Variants in CDC5L observed in about 807,000 individuals in gnomAD.
The protein encoded by CDC5L is cell division cycle 5-like protein.
A neutral mutation model predicts 104.1 loss-of-function variants in CDC5L; 18 were observed. The observed-to-expected ratio is 0.17, with a 90% CI of 0.12 to 0.26. The LOEUF (loss-of-function observed/expected upper bound fraction) is 0.26. Among genes scored for constraint, CDC5L ranks in the 10% least tolerant of loss-of-function variants. The probability of loss-of-function intolerance (pLI) is 1.00; values close to 1 mark genes in which losing one functional copy is unlikely to be tolerated. For missense variants in CDC5L, 673 were observed against 956.9 expected (o/e 0.70, Z 3.91); for synonymous variants, 331 against 322.7 (o/e 1.03, Z -0.28).
rs376080652 is a variant in CDC5L, at chr6:44,396,454, T to C, written c.539+14T>C. 66 of 1,533,292 alleles carry C rather than the reference T, an allele frequency of 4.3e-5. No individual in the cohort carries two copies. Among genetic ancestry groups the C allele is most frequent in the Non-Finnish European group, 5.2e-5 (58 of 1,116,330 alleles). The allele number at this position is 1,533,292 out of a possible 1,614,324, so 95.0% of individuals were successfully genotyped here. A position where few individuals can be genotyped will look rare whatever the true frequency, so the allele number is the denominator to read the frequency against. Reference sequence around the variant, plus strand: ...GGAAGAAGCAAGGTATGTGTGGATATAGGAATAAAAAGCAAAGTGTTTTTC... The same window carrying C: ...GGAAGAAGCAAGGTATGTGTGGATACAGGAATAAAAAGCAAAGTGTTTTTC... On this transcript the variant is annotated intron_variant, in intron 5 of 15. Coordinates refer to ENST00000371477, the MANE Select transcript of CDC5L (RefSeq NM_001253.4).
At chr6:44,431,259 G>A (rs1029231660) in intron 14 of CDC5L, among the ~76,000 whole-genome samples, 2 of 152,114 alleles carry the variant, frequency 1.3e-5, no homozygotes, top group Non-Finnish European at 2.9e-5. Context: ...CTCATCTTGG[G>A]TAAAATCTTA....
chr6:44,396,769 T>G (rs925597680), intron 5 of CDC5L, among the ~76,000 whole-genome samples: 1 of 152,108 alleles, frequency 6.6e-6, no homozygotes, highest in African/African-American at 2.4e-5. Context: ...TTGGGTTCCA[T>G]TCATCTGCTA....
intron 14 of CDC5L, among the ~76,000 whole-genome samples, chr6:44,441,111 G>T (rs1370182257): frequency 6.6e-6 from 1 of 152,182 alleles, no homozygotes; most frequent in Non-Finnish European, 1.5e-5. Flanking sequence ...CTGAAACTTT[G>T]TACCTTTGAC....
intron 15 of CDC5L, 124 bp downstream of exon 15, chr6:44,445,991 G>A: frequency 1.4e-6 from 1 of 740,564 alleles, no homozygotes; most frequent in Non-Finnish European, 2.2e-6. Context: ...TTAAAAATGA[G>A]AGCCTAAAGT....
chr6:44,411,067 G>A (rs1309582372), intron 8 of CDC5L, among the ~76,000 whole-genome samples: 1 of 151,364 alleles, frequency 6.6e-6, no homozygotes, highest in Admixed American at 6.6e-5. Context: ...TGTTAATGAT[G>A]GTTTTGTTTT....
At chr6:44,446,002 G>GT in intron 15 of CDC5L, 135 bp downstream of exon 15, 1 of 686,800 alleles carries the variant, frequency 1.5e-6, no homozygotes, top group Non-Finnish European at 2.4e-6. Context: ...AGCCTAAAGT[G>GT]TTTGACTTTC....
intron 7 of CDC5L, 95 bp downstream of exon 7, chr6:44,406,562 C>A: frequency 9.2e-7 from 1 of 1,083,498 alleles, no homozygotes; most frequent in Non-Finnish European, 1.4e-6. Flanking sequence ...CAGGTTTGTG[C>A]TGGATGCTCT....
At chr6:44,424,118 T>C (rs1403197759) in intron 10 of CDC5L, among the ~76,000 whole-genome samples, 1 of 152,214 alleles carries the variant, frequency 6.6e-6, no homozygotes, top group South Asian at 2.1e-4. Context: ...AGACTTTTTT[T>C]CTCTTTCTGT....
At chr6:44,387,906 C>T (rs780305462) in intron 1 of CDC5L, 38 bp downstream of exon 1, 1 of 1,550,146 alleles carries the variant, frequency 6.5e-7, no homozygotes, top group Non-Finnish European at 8.7e-7. Context: ...GCCCGCCGCT[C>T]CCTCTAGCAG....
At chr6:44,393,349 T>A in intron 3 of CDC5L, 97 bp from the exon 4 acceptor site, 5 of 1,191,420 alleles carry the variant, frequency 4.2e-6, no homozygotes, top group Non-Finnish European at 5.9e-6. Flanking sequence ...TCCATTGGTT[T>A]TTTTGGGGGG....
In CDC5L at chr6:44,406,591, AT is replaced by A. The variant is rs1284806584; in HGVS notation, c.903+125del. 5.9e-6 allele frequency: 5 copies of A among 854,130 alleles called. No individual in the cohort carries two copies. The East Asian group carries it at 1.2e-4, about 21-fold the overall frequency. The allele number at this position is 854,130 out of a possible 1,614,324, so 52.9% of individuals were successfully genotyped here. A position where few individuals can be genotyped will look rare whatever the true frequency, so the allele number is the denominator to read the frequency against. On this transcript the variant is annotated intron_variant, in intron 7 of 15. Transcript: ENST00000371477. The stretch of plus-strand genomic sequence containing the variant: ...ATGCTCTTAAGAAATTCACAGTTTA[AT>A]GGGTGAGACACACATAAAAACAAGT...
chr6:44,436,055 G>A (rs1025321294), intron 14 of CDC5L, among the ~76,000 whole-genome samples: 2 of 152,158 alleles, frequency 1.3e-5, no homozygotes, highest in Non-Finnish European at 2.9e-5. Flanking sequence ...TGGGATTACA[G>A]GTGTGAGCCA....
intron 1 of CDC5L, among the ~76,000 whole-genome samples, chr6:44,388,544 G>GT (rs1242067288): frequency 6.6e-6 from 1 of 150,920 alleles, no homozygotes; most frequent in East Asian, 2.2e-4. Flanking sequence ...CCAAAGGGCA[G>GT]TAGAGTGGGA....
intron 14 of CDC5L, among the ~76,000 whole-genome samples, chr6:44,431,201 G>A (rs1004977975): frequency 5.9e-5 from 9 of 152,152 alleles, no homozygotes; most frequent in Non-Finnish European, 1.3e-4. Context: ...GTTAATGCCT[G>A]TGAACCTCTT....
intron 8 of CDC5L, among the ~76,000 whole-genome samples, chr6:44,415,258 T>C (rs1332144172): frequency 1.3e-5 from 2 of 152,200 alleles, no homozygotes; most frequent in Non-Finnish European, 2.9e-5. Context: ...GAATGTTAAC[T>C]GGGAGCGTAG....
intron 10 of CDC5L, among the ~76,000 whole-genome samples, chr6:44,423,441 C>CT (rs1273194490): frequency 6.6e-6 from 1 of 152,118 alleles, no homozygotes; most frequent in Non-Finnish European, 1.5e-5. Flanking sequence ...ATTGACAGTA[C>CT]TAAACTAAGT....
intron 14 of CDC5L, among the ~76,000 whole-genome samples, chr6:44,444,215 C>T (rs1793343733): frequency 6.6e-6 from 1 of 152,190 alleles, no homozygotes. Flanking sequence ...TAAGCCATCT[C>T]TGTGGCAAAT....
At chr6:44,398,265 G>A (rs1327678705) in intron 5 of CDC5L, among the ~76,000 whole-genome samples, 2 of 152,078 alleles carry the variant, frequency 1.3e-5, no homozygotes, top group Admixed American at 6.6e-5. Flanking sequence ...TCAGAGTTAA[G>A]TACTGTGAGT....
rs1471417998 is a variant in CDC5L, at chr6:44,431,654, G to C, written c.2091+1744G>C. On this transcript the variant is annotated intron_variant, in intron 14 of 15. Transcript: ENST00000371477. ...CCCTAAATCTCATTTACTTTGTTGAGGTACTAACTTTCATGACAGCAAATA... is the reference window on the plus strand; with the variant it reads ...CCCTAAATCTCATTTACTTTGTTGACGTACTAACTTTCATGACAGCAAATA... Among the ~76,000 whole-genome samples, 17 of 152,060 alleles carry C rather than the reference G, an allele frequency of 1.1e-4. No homozygotes were observed. The South Asian group carries it at 3.3e-3, about 30-fold the overall frequency.
Sources: allele counts gnomAD v4.1 joint callset (sites outside exome capture counted in the v4.1 genomes callset), GRCh38; gene constraint gnomAD v4.1.1; transcripts MANE v1.5; gene names NCBI Gene and HGNC (gene_info 2026-07-23, HGNC 2026-07-21).